Variants in PLEKHG4B observed in about 807,000 individuals in gnomAD.
PLEKHG4B encodes the protein pleckstrin homology and RhoGEF domain containing G4B.
In PLEKHG4B, 111 loss-of-function variants were observed where a neutral mutation model predicts 121.3. The observed-to-expected ratio is 0.92, with a 90% CI of 0.78 to 1.07. The LOEUF is 1.07. PLEKHG4B is among the 50% of genes least tolerant of loss of function. PLEKHG4B has a pLI of 0.00. For synonymous variants in PLEKHG4B, 738 were observed against 725.0 expected, an observed-to-expected ratio of 1.02 and a Z score of -0.29; for missense variants, 1,831 against 1,757.8, an observed-to-expected ratio of 1.04 and a Z score of -0.74.
In PLEKHG4B at chr5:154,907, C is replaced by A. The variant is rs746633349; in HGVS notation, c.2025C>A (p.His675Gln). 1.9e-6 allele frequency: 3 copies of A among 1,613,888 alleles called. No individual in the cohort carries two copies. The highest frequency in any genetic ancestry group is 2.5e-6 in the Non-Finnish European group (3 of 1,180,032). The change falls in exon 8 of 20, where the codon CAC becomes CAA. Residue 675 changes from histidine (H) to glutamine (Q), a missense_variant. Transcript: ENST00000637938. ...CEVVSSLKAVHKFVDSCQLTA... is the reference protein window; with the variant it reads ...CEVVSSLKAVQKFVDSCQLTA... ...TCGTGAGCTCCCTGAAGGCCGTGCA[C>A]AAATTTGTTGACAGCTGCCAGCTGA...
intron 3 of PLEKHG4B, among the ~76,000 whole-genome samples, chr5:142,188 A>C (rs560218962): frequency 2.0e-5 from 3 of 152,278 alleles, no homozygotes; most frequent in East Asian, 3.9e-4. Flanking sequence ...CTAAAGTGAA[A>C]AGAAGTCCTA....
intron 1 of PLEKHG4B, among the ~76,000 whole-genome samples, chr5:92,838 G>T (rs1404686779): frequency 1.3e-5 from 2 of 152,096 alleles, no homozygotes; most frequent in East Asian, 1.9e-4. Context: ...GGAACAAAGA[G>T]AATTTTTACT....
intron 2 of PLEKHG4B, among the ~76,000 whole-genome samples, chr5:120,238 C>T (rs1194181941): frequency 6.6e-6 from 1 of 152,158 alleles, no homozygotes; most frequent in South Asian, 2.1e-4. Context: ...GGCAACACAG[C>T]AAGACCCTGC....
chr5:108,207 A>G (rs1235358033), intron 1 of PLEKHG4B, among the ~76,000 whole-genome samples: 1 of 152,194 alleles, frequency 6.6e-6, no homozygotes, highest in Non-Finnish European at 1.5e-5. Flanking sequence ...TCAGGTGATA[A>G]AGTCAGTGCA....
intron 1 of PLEKHG4B, among the ~76,000 whole-genome samples, chr5:108,599 G>T (rs1036297720): frequency 4.1e-5 from 6 of 147,506 alleles, no homozygotes; most frequent in African/African-American, 1.5e-4. Flanking sequence ...GATGGCTGGT[G>T]TAGACAGACT....
At chr5:135,187 C>CAAAAAAAAAAAA (rs35601775) in intron 2 of PLEKHG4B, among the ~76,000 whole-genome samples, 10 of 48,778 alleles carry the variant, frequency 2.1e-4, no homozygotes, top group African/African-American at 6.3e-4. Context: ...GACTCCAGCT[C>CAAAAAAAAAAAA]AAAAAAAAAA....
rs1461270509 is a variant in PLEKHG4B, at chr5:161,781, A to G, written c.2488-2A>G. On this transcript the variant is annotated splice_acceptor_variant, in intron 11 of 19. Transcript: ENST00000637938. LOFTEE classifies it high-confidence loss of function. ...TACTGATGCTTTGTTCCTTGGGTAC[A>G]GCAATCCTGCCAGAAAGGACTACAG... 1.2e-6 allele frequency: 2 copies of G among 1,613,610 alleles called. No individual in the cohort carries two copies.
chr5:101,907 A>T lies in PLEKHG4B; in HGVS notation c.45+9631A>T, dbSNP rs868160147. ...TGTAGGGGAGAGACTGTTGTGAGGT[A>T]AATCCATATAAAGCCCTGGAAAAAG... On this transcript the variant is annotated intron_variant, in intron 1 of 19. Coordinates refer to ENST00000637938, the MANE Select transcript of PLEKHG4B (RefSeq NM_052909.5). Among the ~76,000 whole-genome samples, 214 of 60,784 alleles carry T rather than the reference A, an allele frequency of 3.5e-3. 3 individuals carry two copies. The highest frequency in any genetic ancestry group is 0.025 in the African/African-American group (169 of 6,840). 39.9% of individuals were successfully genotyped at this position (60,784 alleles called of 152,430 possible). A position where few individuals can be genotyped will look rare whatever the true frequency, so the allele number is the denominator to read the frequency against.
Position 144,851 on chromosome 5 carries a change from G to T in PLEKHG4B, c.1836G>T (p.Leu612=). The part of the protein sequence containing the change: ...IPRKEVRDLG[L]VVLVDARRSP... ...GGAAAGAGGTCCGGGACCTGGGGCT[G>T]GTTGTCCTGGTGGATGCACGCAGGA... The change falls in exon 6 of 20, where the codon CTG becomes CTT. Residue 612 remains leucine, a synonymous_variant. Coordinates refer to ENST00000637938, the MANE Select transcript of PLEKHG4B (RefSeq NM_052909.5). The T allele has an allele frequency of 6.2e-7, 1 of 1,613,426 alleles. No homozygotes were observed. The highest frequency in any genetic ancestry group is 1.1e-5 in the South Asian group (1 of 91,064).
In PLEKHG4B at chr5:187,586, G is replaced by A. The variant is rs757031913; in HGVS notation, c.*5263G>A. On this transcript the variant is annotated 3_prime_UTR_variant, in exon 20 of 20. Transcript: ENST00000637938. The stretch of plus-strand genomic sequence containing the variant: ...CAGGCCTCAGGCTGGTTTTCTGACA[G>A]GCAAAATGCTCCTTACATAAGGAAA... 11 of 152,410 alleles carry A rather than the reference G, an allele frequency of 7.2e-5. No homozygotes were observed. Among genetic ancestry groups the A allele is most frequent in the Middle Eastern group, 3.4e-3 (1 of 296 alleles). 9.4% of individuals were successfully genotyped at this position (152,410 alleles called of 1,614,324 possible).
At chr5:161,663 G>A (rs952000387) in intron 11 of PLEKHG4B, 120 bp from the exon 12 acceptor site, 2 of 1,278,636 alleles carry the variant, frequency 1.6e-6, no homozygotes, top group Admixed American at 1.9e-5. Flanking sequence ...GGCAGCAGCA[G>A]GCAGCACTGT....
chr5:135,674 A>G (rs1734940583), intron 2 of PLEKHG4B, among the ~76,000 whole-genome samples: 1 of 66,118 alleles, frequency 1.5e-5, no homozygotes, highest in African/African-American at 6.6e-5. Context: ...TCAAAAAAAA[A>G]AAAAAAAAAT....
chr5:137,034 G>A lies in PLEKHG4B; in HGVS notation c.244-2449G>A, dbSNP rs148253402. On this transcript the variant is annotated intron_variant, in intron 2 of 19. Transcript: ENST00000637938. The surrounding 1 kb of genome is among the most constrained non-coding windows in gnomAD (Gnocchi z 4.2). ...TATGCAACCCTGTGGATGGATGAAT[G>A]GATAGCAAAATATAGTATGTACACG... Among the ~76,000 whole-genome samples, 1 of 152,302 alleles carries A rather than the reference G, an allele frequency of 6.6e-6. No homozygotes were observed. The highest frequency in any genetic ancestry group is 1.9e-4 in the East Asian group (1 of 5,190).
rs55733931 is a variant in PLEKHG4B, at chr5:98,425, C to CTTTTTTT, written c.45+6171_45+6177dup. On this transcript the variant is annotated intron_variant, in intron 1 of 19. Coordinates refer to ENST00000637938, the MANE Select transcript of PLEKHG4B (RefSeq NM_052909.5). Reference sequence around the variant, plus strand: ...GTCAGTACCACATTGTTTACTGTAGCTTTTTTTTTTTTTTTTTTTTTTTTT... The same window carrying CTTTTTTT: ...GTCAGTACCACATTGTTTACTGTAGCTTTTTTTTTTTTTTTTTTTTTTTTTTTTTTTT... Among the ~76,000 whole-genome samples the CTTTTTTT allele has an allele frequency of 1.3e-3, 61 of 46,830 alleles. 5 individuals carry two copies. Among genetic ancestry groups the CTTTTTTT allele is most frequent in the East Asian group, 3.4e-3 (4 of 1,190 alleles). 30.7% of individuals were successfully genotyped at this position (46,830 alleles called of 152,430 possible).
In PLEKHG4B at chr5:173,062, T is replaced by C; in HGVS notation, c.4216T>C (p.Phe1406Leu). ...CGACGTCTACCTGTACAAGCAGTCC[T>C]TCAAGGTAGCACCCGCCCGGTCCGA... is the stretch of plus-strand genomic sequence containing the variant. ...SHDVYLYKQS[F>L]KTAEIGMTEN... The change falls in exon 17 of 20, where the codon TTC (phenylalanine) becomes CTC (leucine). Residue 1406 changes from phenylalanine (F) to leucine (L), a missense_variant. Physicochemically the swap from Phe to Leu is conservative, Grantham distance 22. Transcript: ENST00000637938. 6.2e-7 allele frequency: 1 copy of C among 1,613,938 alleles called. No individual in the cohort carries two copies. The highest frequency in any genetic ancestry group is 8.5e-7 in the Non-Finnish European group (1 of 1,179,870).
intron 1 of PLEKHG4B, among the ~76,000 whole-genome samples, chr5:101,610 A>G (rs554797820): frequency 8.2e-6 from 1 of 121,528 alleles, no homozygotes; most frequent in African/African-American, 4.5e-5. Context: ...AAGCCCTGGG[A>G]AAAGTCTGTA....
rs558979523 is a variant in PLEKHG4B, at chr5:139,982, C to T, written c.743C>T (p.Thr248Ile). 9 of 411,966 alleles carry T rather than the reference C, an allele frequency of 2.2e-5. 1 individual carries two copies. The South Asian group carries it at 9.3e-4, about 42-fold the overall frequency. The allele number at this position is 411,966 out of a possible 1,614,324, so 25.5% of individuals were successfully genotyped here. Residue 248 changes from threonine (T) to isoleucine (I), a missense_variant, in exon 3 of 20, where the codon ACC (threonine) becomes ATC (isoleucine). Thr to Ile is a moderately conservative substitution (Grantham distance 89). Transcript: ENST00000637938. This position sits in a 1 kb window ranked among gnomAD's most constrained non-coding sequence, Gnocchi z 5.0. ...HFQGSASCPD[T>I]LTSPCRRGHT... ...CAGGGAAGCGCCTCTTGCCCCGACACCCTGACCTCACCCTGCCGCCGAGGG... is the reference window on the plus strand; with the variant it reads ...CAGGGAAGCGCCTCTTGCCCCGACATCCTGACCTCACCCTGCCGCCGAGGG...
intron 8 of PLEKHG4B, 114 bp downstream of exon 8, chr5:155,105 T>C: frequency 1.0e-6 from 1 of 979,446 alleles, no homozygotes. Flanking sequence ...TGATGCTTGT[T>C]ACAGTCGCCG....
intron 1 of PLEKHG4B, among the ~76,000 whole-genome samples, chr5:99,537 A>G (rs1733740858): frequency 6.6e-6 from 1 of 152,014 alleles, no homozygotes; most frequent in Admixed American, 6.6e-5. Flanking sequence ...TTCCTTTTCA[A>G]AGTATTCATT....
Sources: gnomAD v4.1 joint callset for allele counts (sites outside exome capture counted in the v4.1 genomes callset) on GRCh38, gnomAD v4.1.1 for gene constraint, Gnocchi (gnomAD v3.1) non-coding constraint, MANE v1.5 for transcripts, NCBI Gene and HGNC (gene_info 2026-07-23, HGNC 2026-07-21) for gene names.